The following STX10 variants were observed in gnomAD, a reference collection of about 807,000 sequenced individuals.
STX10 encodes the protein syntaxin 10.
In STX10, 35 loss-of-function variants were observed where a neutral mutation model predicts 34.1. The observed-to-expected ratio is 1.03, with a 90% CI of 0.78 to 1.36. STX10 has a LOEUF of 1.36. Ranked by LOEUF, STX10 falls within the 40% of genes most tolerant of loss-of-function variation. The probability of loss-of-function intolerance (pLI) is 0.00; values close to 1 mark genes in which losing one functional copy is unlikely to be tolerated. For synonymous variants in STX10, 155 were observed against 132.9 expected, an observed-to-expected ratio of 1.17 and a Z score of -1.15; for missense variants, 361 against 335.5, an observed-to-expected ratio of 1.08 and a Z score of -0.59.
In STX10 at chr19:13,144,807, GCTTCAGAA is replaced by G; in HGVS notation, c.527_534del (p.Val176AlafsTer47). The G allele has an allele frequency of 6.2e-7, 1 of 1,614,026 alleles. No individual in the cohort carries two copies. Among genetic ancestry groups the G allele is most frequent in the Non-Finnish European group, 8.5e-7 (1 of 1,180,022 alleles). On this transcript the variant is annotated frameshift_variant, in exon 6 of 8. Transcript: ENST00000587230. LOFTEE classifies it high-confidence loss of function. ...TCTTCTCCAACGCGGCCGGACATGT[GCTTCAGAA>G]CCTGGATGCTCCCAGACACCATCTC...
rs973750471 is a variant in STX10 at position 13,148,971 on chromosome 19, G to A, written c.363+58C>T. 5 of 1,432,834 alleles carry A rather than the reference G, an allele frequency of 3.5e-6. No individual in the cohort carries two copies. The South Asian group carries it at 4.8e-5, about 14-fold the overall frequency. The allele number at this position is 1,432,834 out of a possible 1,614,324, so 88.8% of individuals were successfully genotyped here. A position where few individuals can be genotyped will look rare whatever the true frequency, so the allele number is the denominator to read the frequency against. Reference sequence around the variant, plus strand: ...AGGGACAGGTGAACACGCACAGAGGGATCTGGCTTGGTTACCCCCAGGGGC... The same window carrying A: ...AGGGACAGGTGAACACGCACAGAGGAATCTGGCTTGGTTACCCCCAGGGGC... On this transcript the variant is annotated intron_variant, in intron 4 of 7. Transcript: ENST00000587230.
At position 13,145,270 on chromosome 19, in the gene STX10, C is replaced by G. The variant is rs760695812; in HGVS notation, c.471+18G>C. 6.2e-7 allele frequency: 1 copy of G among 1,606,414 alleles called. No individual in the cohort carries two copies. Among genetic ancestry groups the G allele is most frequent in the South Asian group, 1.1e-5 (1 of 90,996 alleles). On this transcript the variant is annotated intron_variant, in intron 5 of 7. Transcript: ENST00000587230. The stretch of plus-strand genomic sequence containing the variant: ...CAAGGCTCTCCCCTCCCAAGATCCA[C>G]CCCGCTGGCCCCAAAACCTGCTGTG...
rs911167170 is a variant in STX10, at chr19:13,148,949, G to C, written c.363+80C>G. ...AGAGGACGGGCACTGTCGCAAAAGGGACAGGTGAACACGCACAGAGGGATC... is the reference window on the plus strand; with the variant it reads ...AGAGGACGGGCACTGTCGCAAAAGGCACAGGTGAACACGCACAGAGGGATC... On this transcript the variant is annotated intron_variant, in intron 4 of 7. Coordinates refer to ENST00000587230, the MANE Select transcript of STX10 (RefSeq NM_003765.3). 3 of 1,219,480 alleles carry C rather than the reference G, an allele frequency of 2.5e-6. No homozygotes were observed. The Admixed American group carries it at 6.0e-5, about 24-fold the overall frequency. 75.5% of individuals were successfully genotyped at this position (1,219,480 alleles called of 1,614,324 possible).
At position 13,144,805 on chromosome 19, in the gene STX10, G is replaced by A. The variant is rs1179336020; in HGVS notation, c.537C>T (p.His179=). 1.2e-6 allele frequency: 2 copies of A among 1,614,010 alleles called. No individual in the cohort carries two copies. Among genetic ancestry groups the A allele is most frequent in the Admixed American group, 3.3e-5 (2 of 60,016 alleles). ...GCTCTTCTCCAACGCGGCCGGACAT[G>A]TGCTTCAGAACCTGGATGCTCCCAG... The part of the protein sequence containing the change: ...MVSGSIQVLK[H]MSGRVGEELD... The change falls in exon 6 of 8, where the codon CAC becomes CAT. Residue 179 remains histidine, a synonymous_variant. Transcript: ENST00000587230.
At chr19:13,149,426 A>AAAAAC in intron 3 of STX10, 73 bp downstream of exon 3, 2 of 753,142 alleles carry the variant, frequency 2.7e-6, no homozygotes, top group South Asian at 3.8e-5. Context: ...AAAAAAAAAA[A>AAAAAC]AAAGAAAGAA....
intron 4 of STX10, among the ~76,000 whole-genome samples, chr19:13,148,319 CATGGAGAA>C (rs2019954492): frequency 6.6e-6 from 1 of 151,788 alleles, no homozygotes; most frequent in Admixed American, 6.6e-5. Context: ...GCCTGACCAA[CATGGAGAA>C]ACCCCGTCTC....
At chr19:13,148,847 T>C (rs1304689146) in intron 4 of STX10, among the ~76,000 whole-genome samples, 182 bp downstream of exon 4, 1 of 151,134 alleles carries the variant, frequency 6.6e-6, no homozygotes, top group Non-Finnish European at 1.5e-5. Context: ...CCCACGGACA[T>C]ATACACATAG....
At chr19:13,145,233 C>T in intron 5 of STX10, 55 bp downstream of exon 5, 1 of 1,514,880 alleles carries the variant, frequency 6.6e-7, no homozygotes, top group Non-Finnish European at 9.1e-7. Flanking sequence ...CCCCAGACCT[C>T]AGATCAGTCT....
chr19:13,144,885 G>A lies in STX10; in HGVS notation c.472-15C>T, dbSNP rs371174404. 9.7e-5 allele frequency: 156 copies of A among 1,605,680 alleles called. No homozygotes were observed. The highest frequency in any genetic ancestry group is 1.3e-4 in the Non-Finnish European group (152 of 1,176,548). ...TCCATGATCAGCTGCAGAGCGAAGG[G>A]GTGGGAGATGCTGTTGAAAACGACC... On this transcript the variant is annotated splice_polypyrimidine_tract_variant and intron_variant, in intron 5 of 7. Transcript: ENST00000587230.
rs2145634395 is a variant in STX10 at position 13,144,787 on chromosome 19, T to C, written c.555A>G (p.Gly185=). The C allele has an allele frequency of 6.2e-7, 1 of 1,613,912 alleles. No individual in the cohort carries two copies. Among genetic ancestry groups the C allele is most frequent in the Non-Finnish European group, 8.5e-7 (1 of 1,179,996 alleles). The change falls in exon 6 of 8, where the codon GGA becomes GGG. Residue 185 remains glycine, a synonymous_variant. Coordinates refer to ENST00000587230, the MANE Select transcript of STX10 (RefSeq NM_003765.3). ...ACATGCCCTGCTCGTCCAGCTCTTC[T>C]CCAACGCGGCCGGACATGTGCTTCA... is the stretch of plus-strand genomic sequence containing the variant. ...QVLKHMSGRV[G]EELDEQGIML... is the part of the protein sequence containing the mutation.
intron 3 of STX10, 54 bp downstream of exon 3, chr19:13,149,445 A>G (rs1344200104): frequency 6.9e-7 from 1 of 1,447,184 alleles, no homozygotes; most frequent in Non-Finnish European, 9.4e-7. Flanking sequence ...AAAGAAAGAA[A>G]AAAAAACACA....
chr19:13,145,329 C>A lies in STX10; in HGVS notation c.430G>T (p.Ala144Ser). ...SDLLDASAVS[A>S]TSRYIEEQQA... ...TGCTCCTCGATGTAGCGAGATGTGG[C>A]CGAGACTGCGCTGGCATCCAGCAGG... is the stretch of plus-strand genomic sequence containing the variant. Residue 144 changes from alanine to serine, a missense_variant, in exon 5 of 8, where the codon GCC becomes TCC. Transcript: ENST00000587230. The A allele has an allele frequency of 6.2e-7, 1 of 1,611,926 alleles. No homozygotes were observed.
At chr19:13,149,342 G>A (rs2019989314) in intron 3 of STX10, among the ~76,000 whole-genome samples, 157 bp downstream of exon 3, 1 of 150,134 alleles carries the variant, frequency 6.7e-6, no homozygotes, top group African/African-American at 2.5e-5. Context: ...AGCCTGGGAG[G>A]CGGAGGTTGC....
rs1353899978 is a variant in STX10 at position 13,149,777 on chromosome 19, A to T, written c.156T>A (p.Asn52Lys). 6.2e-7 allele frequency: 1 copy of T among 1,614,126 alleles called. No homozygotes were observed. Among genetic ancestry groups the T allele is most frequent in the African/African-American group, 1.3e-5 (1 of 75,064 alleles). ...GGTCCCACTCGATGCTGCGCAGGCC[A>T]TTCCGCAGCTCATTGGTCGTCCAGT... ...ELDWTTNELR[N>K]GLRSIEWDLE... Residue 52 changes from asparagine (N) to lysine (K), a missense_variant, in exon 2 of 8, where the codon AAT becomes AAA. Asn to Lys is a moderately conservative substitution (Grantham distance 94). Transcript: ENST00000587230.
At chr19:13,148,783 C>T (rs902529663) in intron 4 of STX10, among the ~76,000 whole-genome samples, 1 of 152,038 alleles carries the variant, frequency 6.6e-6, no homozygotes, top group African/African-American at 2.4e-5. Context: ...AGGCCCCCAG[C>T]CCTCTCCTGC....
In STX10 at chr19:13,144,879, C is replaced by T. The variant is rs376637002; in HGVS notation, c.472-9G>A. 112 of 1,609,192 alleles carry T rather than the reference C, an allele frequency of 7.0e-5. No homozygotes were observed. The highest frequency in any genetic ancestry group is 2.5e-4 in the East Asian group (11 of 44,654). The stretch of plus-strand genomic sequence containing the variant: ...TGTTCATCCATGATCAGCTGCAGAG[C>T]GAAGGGGTGGGAGATGCTGTTGAAA... On this transcript the variant is annotated splice_polypyrimidine_tract_variant and intron_variant, in intron 5 of 7. Transcript: ENST00000587230.
At position 13,144,240 on chromosome 19, in the gene STX10, G is replaced by T; in HGVS notation, c.*170C>A. On this transcript the variant is annotated 3_prime_UTR_variant, in exon 8 of 8. Coordinates refer to ENST00000587230, the MANE Select transcript of STX10 (RefSeq NM_003765.3). ...GGTGGTGGTTCCAGCCCAGGGTCCT[G>T]AAGGGTCCCACTGGCTCTAGGGGAG... The T allele has an allele frequency of 1.1e-6, 1 of 903,442 alleles. No homozygotes were observed. Among genetic ancestry groups the T allele is most frequent in the Non-Finnish European group, 1.6e-6 (1 of 608,160 alleles). The allele number at this position is 903,442 out of a possible 1,614,324, so 56.0% of individuals were successfully genotyped here. A position where few individuals can be genotyped will look rare whatever the true frequency, so the allele number is the denominator to read the frequency against.
rs143886134 is a variant in STX10 at position 13,149,750 on chromosome 19, G to A, written c.183C>T (p.Leu61=). The A allele has an allele frequency of 6.8e-6, 11 of 1,613,860 alleles. No homozygotes were observed. Among genetic ancestry groups the A allele is most frequent in the South Asian group, 2.2e-5 (2 of 91,078 alleles). The stretch of plus-strand genomic sequence containing the variant: ...TATCGATGGTCTCTTCCAGGTCCTC[G>A]AGGTCCCACTCGATGCTGCGCAGGC... ...RNGLRSIEWD[L]EDLEETIGIV... Residue 61 remains leucine, a synonymous_variant, in exon 2 of 8, where the codon CTC becomes CTT. Transcript: ENST00000587230.
intron 3 of STX10, 36 bp downstream of exon 3, chr19:13,149,463 C>T (rs1243506302): frequency 2.8e-6 from 4 of 1,423,022 alleles, no homozygotes; most frequent in East Asian, 2.3e-5. Flanking sequence ...ACACTCAAAC[C>T]TTCCCCCACT....
Sources: allele counts gnomAD v4.1 joint callset (sites outside exome capture counted in the v4.1 genomes callset), GRCh38; gene constraint gnomAD v4.1.1; transcripts MANE v1.5; gene names NCBI Gene and HGNC (gene_info 2026-07-23, HGNC 2026-07-21).